The following DYTN variants were observed in gnomAD, a reference collection of about 807,000 sequenced individuals.
The protein encoded by DYTN is dystrotelin.
In DYTN, 75 loss-of-function variants were observed where a neutral mutation model predicts 69.6. That is an observed-to-expected ratio of 1.08 (90% confidence interval 0.89 to 1.31). The LOEUF is 1.31. Ranked by LOEUF, DYTN falls within the 50% of genes most tolerant of loss-of-function variation. The pLI, the probability that DYTN is intolerant of heterozygous loss-of-function variation, is 0.00. For synonymous variants in DYTN, 252 were observed against 249.1 expected (o/e 1.01, Z -0.11); for missense variants, 726 against 688.4 (o/e 1.05, Z -0.61).
intron 1 of DYTN, 149 bp downstream of exon 1, chr2:206,718,112 A>G: frequency 1.3e-6 from 1 of 742,302 alleles, no homozygotes; most frequent in South Asian, 2.5e-5. Flanking sequence ...AAGAGAGAGA[A>G]AGCCACTTTA....
At chr2:206,692,265 T>TA (rs11379805) in intron 9 of DYTN, among the ~76,000 whole-genome samples, 12,088 of 128,208 alleles carry the variant, frequency 0.094, 776 homozygotes, top group East Asian at 0.18. Context: ...ATCTTGTCTC[T>TA]AAAAAAAAAA....
intron 10 of DYTN, 137 bp downstream of exon 10, chr2:206,665,733 T>C (rs1010990012): frequency 1.0e-6 from 1 of 973,238 alleles, no homozygotes; most frequent in African/African-American, 1.7e-5. Flanking sequence ...GATGAGGAAA[T>C]GGGAGGTCAG....
At chr2:206,676,896 C>T (rs1253678674) in intron 9 of DYTN, among the ~76,000 whole-genome samples, 1 of 151,668 alleles carries the variant, frequency 6.6e-6, no homozygotes, top group Non-Finnish European at 1.5e-5. Context: ...AAATGGTATA[C>T]ATTAAATATG....
At chr2:206,679,767 C>T (rs904962296) in intron 9 of DYTN, among the ~76,000 whole-genome samples, 1 of 152,130 alleles carries the variant, frequency 6.6e-6, no homozygotes, top group Non-Finnish European at 1.5e-5. Flanking sequence ...TAAGGAAAGA[C>T]ACGATTATTC....
Position 206,710,587 on chromosome 2 carries a change from T to C in DYTN, c.31A>G (p.Ser11Gly), listed in dbSNP as rs372992603. 12 of 1,607,058 alleles carry C rather than the reference T, an allele frequency of 7.5e-6. No individual in the cohort carries two copies. The African/African-American group carries it at 1.3e-4, about 18-fold the overall frequency. The change falls in exon 2 of 12, where the codon AGT (serine) becomes GGT (glycine). Residue 11 changes from serine to glycine, a missense_variant. Coordinates refer to ENST00000452335, the MANE Select transcript of DYTN (RefSeq NM_001093730.1). The part of the protein sequence containing the change: MDPDKQDALN[S>G]IENSIYRTAF... The stretch of plus-strand genomic sequence containing the variant: ...GTTCTATAAATGGAATTCTCAATAC[T>C]ATTAAGAGCATCTGTAAAGAAAACG...
intron 9 of DYTN, among the ~76,000 whole-genome samples, chr2:206,675,289 T>G (rs1174779505): frequency 6.8e-6 from 1 of 147,434 alleles, no homozygotes; most frequent in South Asian, 2.1e-4. Flanking sequence ...TATATTTAAA[T>G]ATATATTTAT....
intron 11 of DYTN, among the ~76,000 whole-genome samples, chr2:206,659,484 C>CAAAAAAAAAAAAAAAAAAA (rs772861150): frequency 3.1e-5 from 2 of 64,574 alleles, no homozygotes; most frequent in African/African-American, 1.1e-4. Flanking sequence ...CAACAATTCT[C>CAAAAAAAAAAAAAAAAAAA]AAAAAAAAAA....
At chr2:206,675,149 A>G (rs150026286) in intron 9 of DYTN, among the ~76,000 whole-genome samples, 20,013 of 99,474 alleles carry the variant, frequency 0.2, 2,254 homozygotes, top group African/African-American at 0.39. Context: ...GTGTGTGTAT[A>G]TATGTGTATA....
Position 206,701,783 on chromosome 2 carries a change from CA to C in DYTN, c.484-1568del, listed in dbSNP as rs1699979950. Among the ~76,000 whole-genome samples the C allele has an allele frequency of 6.6e-5, 10 of 152,234 alleles. 1 individual carries two copies. The South Asian group carries it at 1.9e-3, about 28-fold the overall frequency. On this transcript the variant is annotated intron_variant, in intron 5 of 11. Transcript: ENST00000452335. ...AACAAGAGCAGGTTTGAAGTATCCT[CA>C]AACCCCCCAACACCATGAGATGGCA...
intron 5 of DYTN, among the ~76,000 whole-genome samples, 198 bp from the exon 6 acceptor site, chr2:206,700,414 G>A (rs1240960582): frequency 1.3e-5 from 2 of 152,124 alleles, no homozygotes; most frequent in African/African-American, 4.8e-5. Context: ...CAATGAATAA[G>A]CAAGTGGGAA....
chr2:206,677,291 A>T (rs771884665), intron 9 of DYTN, among the ~76,000 whole-genome samples: 3 of 152,210 alleles, frequency 2.0e-5, no homozygotes, highest in Non-Finnish European at 4.4e-5. Context: ...TAAATTGGTT[A>T]ACAAAATGAA....
At chr2:206,706,219 A>C (rs1428051221) in intron 3 of DYTN, among the ~76,000 whole-genome samples, 1 of 152,170 alleles carries the variant, frequency 6.6e-6, no homozygotes, top group Non-Finnish European at 1.5e-5. Flanking sequence ...ACCAAGCAAC[A>C]GAGATAAGGA....
At chr2:206,695,997 C>A (rs13022102) in intron 7 of DYTN, among the ~76,000 whole-genome samples, 4 of 152,098 alleles carry the variant, frequency 2.6e-5, no homozygotes, top group Admixed American at 6.5e-5. Context: ...TCATATCTTG[C>A]GGCAAAACTT....
At chr2:206,684,026 T>C (rs1257075103) in intron 9 of DYTN, among the ~76,000 whole-genome samples, 3 of 152,108 alleles carry the variant, frequency 2.0e-5, no homozygotes, top group African/African-American at 7.2e-5. Context: ...CATTTCCATT[T>C]GTCTGGTCCT....
At chr2:206,651,982 AT>A in intron 11 of DYTN, 61 bp from the exon 12 acceptor site, 1 of 1,473,448 alleles carries the variant, frequency 6.8e-7, no homozygotes, top group South Asian at 1.2e-5. Context: ...TCATGAAGAT[AT>A]TGATAAAGCT....
intron 1 of DYTN, among the ~76,000 whole-genome samples, chr2:206,713,358 G>T (rs1700097137): frequency 6.6e-6 from 1 of 152,136 alleles, no homozygotes; most frequent in Admixed American, 6.6e-5. Context: ...ATTTTATAAG[G>T]TAACACAGCC....
rs191617518 is a variant in DYTN, at chr2:206,681,717, G to A, written c.980+11458C>T. On this transcript the variant is annotated intron_variant, in intron 9 of 11. Transcript: ENST00000452335. Reference sequence around the variant, plus strand: ...ATGTTGAACCAGCCTTGCATCCCAGGGATGAAACCAACTTGATTGTGGTGG... The same window carrying A: ...ATGTTGAACCAGCCTTGCATCCCAGAGATGAAACCAACTTGATTGTGGTGG... Among the ~76,000 whole-genome samples, 176 of 152,240 alleles carry A rather than the reference G, an allele frequency of 1.2e-3. 2 individuals carry two copies. Among genetic ancestry groups the A allele is most frequent in the Non-Finnish European group, 1.2e-4 (8 of 68,026 alleles).
At chr2:206,665,163 T>C (rs35068325) in intron 10 of DYTN, among the ~76,000 whole-genome samples, 14,863 of 152,274 alleles carry the variant, frequency 0.098, 891 homozygotes, top group Non-Finnish European at 0.14. Context: ...TGCAGCAGAT[T>C]GATTGCTGAA....
chr2:206,679,368 A>G (rs903780025), intron 9 of DYTN, among the ~76,000 whole-genome samples: 1 of 152,190 alleles, frequency 6.6e-6, no homozygotes, highest in African/African-American at 2.4e-5. Context: ...AGCCAATAAT[A>G]GAAATAAAAA....
Sources: gnomAD v4.1 joint callset for allele counts (sites outside exome capture counted in the v4.1 genomes callset) on GRCh38, gnomAD v4.1.1 for gene constraint, MANE v1.5 for transcripts, NCBI Gene and HGNC (gene_info 2026-07-23, HGNC 2026-07-21) for gene names.